Variants in AACS observed in about 807,000 individuals in gnomAD.
The protein encoded by AACS is acetoacetate-CoA ligase.
Under a neutral mutation model 83.1 loss-of-function variants are expected in AACS, and 69 were observed. The observed-to-expected ratio is 0.83, with a 90% confidence interval of 0.68 to 1.01. The LOEUF is 1.01. Among genes scored for constraint, AACS ranks in the 50% least tolerant of loss-of-function variants. AACS has a pLI of 0.00. For missense variants in AACS, 866 were observed against 882.2 expected, an observed-to-expected ratio of 0.98 and a Z score of 0.23; for synonymous variants, 333 against 343.4, an observed-to-expected ratio of 0.97 and a Z score of 0.33.
chr12:125,072,989 G>A (rs1475922749), intron 1 of AACS, among the ~76,000 whole-genome samples: 1 of 146,500 alleles, frequency 6.8e-6, no homozygotes, highest in Non-Finnish European at 1.5e-5. Context: ...GTGCAGTGGC[G>A]CGATCTCGGC....
chr12:125,073,819 A>G lies in AACS; in HGVS notation c.134-57A>G. 3 of 1,427,942 alleles carry G rather than the reference A, an allele frequency of 2.1e-6. No homozygotes were observed. In the South Asian group the frequency reaches 3.5e-5, roughly 17 times the overall value. The allele number at this position is 1,427,942 out of a possible 1,614,324, so 88.5% of individuals were successfully genotyped here. A position where few individuals can be genotyped will look rare whatever the true frequency, so the allele number is the denominator to read the frequency against. ...AAGGCTTCTGAGGTGTGTCCATCTT[A>G]TTAATGGATTGCCAAGATTTCCCTT... On this transcript the variant is annotated intron_variant, in intron 1 of 17. Coordinates refer to ENST00000316519, the MANE Select transcript of AACS (RefSeq NM_023928.5).
chr12:125,104,328 C>T lies in AACS; in HGVS notation c.767+1247C>T, dbSNP rs554695012. On this transcript the variant is annotated intron_variant, in intron 7 of 17. Coordinates refer to ENST00000316519, the MANE Select transcript of AACS (RefSeq NM_023928.5). ...AGAGGTGGAAGAGAGGAGGAGATGG[C>T]GGAGCCCTTTTTGTTCCAGCAAGTG... 5.3e-5 allele frequency among the ~76,000 whole-genome samples: 8 copies of T among 152,298 alleles called. 1 individual carries two copies. The highest frequency in any genetic ancestry group is 1.9e-4 in the East Asian group (1 of 5,178).
intron 1 of AACS, among the ~76,000 whole-genome samples, chr12:125,066,286 C>A (rs541437220): frequency 9.2e-5 from 14 of 151,862 alleles, no homozygotes; most frequent in African/African-American, 3.1e-4. Context: ...ACTCTCTTTC[C>A]ACCCATCACC....
At chr12:125,116,891 C>T (rs934297696) in intron 9 of AACS, among the ~76,000 whole-genome samples, 1 of 150,758 alleles carries the variant, frequency 6.6e-6, no homozygotes, top group Non-Finnish European at 1.5e-5. Context: ...CTTCCCCTCC[C>T]TACCTCTCCC....
chr12:125,094,217 G>A lies in AACS; in HGVS notation c.570+2694G>A, dbSNP rs1956555156. Among the ~76,000 whole-genome samples the A allele has an allele frequency of 6.6e-6, 1 of 152,118 alleles. No individual in the cohort carries two copies. The highest frequency in any genetic ancestry group is 2.1e-4 in the South Asian group (1 of 4,828). On this transcript the variant is annotated intron_variant, in intron 5 of 17. Coordinates refer to ENST00000316519, the MANE Select transcript of AACS (RefSeq NM_023928.5). The surrounding 1 kb of genome is among the most constrained non-coding windows in gnomAD (Gnocchi z 4.1). ...GATCTCTACTTAAAAAAGAGATCCTGTTTTTAATTTCCATCATCACCATGT... is the reference window on the plus strand; with the variant it reads ...GATCTCTACTTAAAAAAGAGATCCTATTTTTAATTTCCATCATCACCATGT...
At chr12:125,107,573 C>T (rs1956862037) in intron 8 of AACS, among the ~76,000 whole-genome samples, 1 of 152,220 alleles carries the variant, frequency 6.6e-6, no homozygotes, top group Admixed American at 6.5e-5. Flanking sequence ...TACTTTCACC[C>T]TGCAGGTCTG....
At chr12:125,070,263 A>G (rs189658883) in intron 1 of AACS, among the ~76,000 whole-genome samples, 139 of 152,260 alleles carry the variant, frequency 9.1e-4, no homozygotes, top group African/African-American at 3.0e-3. Flanking sequence ...TGTCTGGCTC[A>G]CTGCTTCCAG....
intron 14 of AACS, 106 bp from the exon 15 acceptor site, chr12:125,133,897 C>T (rs1957362326): frequency 8.7e-7 from 1 of 1,146,758 alleles, no homozygotes; most frequent in African/African-American, 1.5e-5. Context: ...CCAGACCTGC[C>T]TCTGGGCCCC....
intron 3 of AACS, among the ~76,000 whole-genome samples, chr12:125,083,626 T>A (rs929313834): frequency 2.1e-4 from 32 of 152,122 alleles, no homozygotes; most frequent in Non-Finnish European, 1.5e-5. Context: ...AAAATTATAC[T>A]ACTGAGCAAT....
chr12:125,087,207 C>T (rs1419120306), intron 4 of AACS, among the ~76,000 whole-genome samples: 1 of 152,154 alleles, frequency 6.6e-6, no homozygotes, highest in Non-Finnish European at 1.5e-5. Context: ...TAAGAGCAGG[C>T]CCCATTTGGG....
At chr12:125,133,161 G>A (rs2136136904) in intron 14 of AACS, among the ~76,000 whole-genome samples, 2 of 152,346 alleles carry the variant, frequency 1.3e-5, no homozygotes, top group Non-Finnish European at 2.9e-5. Flanking sequence ...GGCTGATCAA[G>A]GGCTGGTGGT....
At chr12:125,080,206 C>T (rs1281672205) in intron 3 of AACS, among the ~76,000 whole-genome samples, 3 of 152,130 alleles carry the variant, frequency 2.0e-5, no homozygotes, top group Non-Finnish European at 4.4e-5. Flanking sequence ...AGAACGAGAA[C>T]GCTGCGTCTC....
chr12:125,092,131 C>A (rs749588728), intron 5 of AACS, among the ~76,000 whole-genome samples: 2 of 152,162 alleles, frequency 1.3e-5, no homozygotes, highest in Non-Finnish European at 2.9e-5. Context: ...AATGAAGCAG[C>A]CGCAGAGCGG....
intron 12 of AACS, chr12:125,126,842 C>T (rs899032520): frequency 6.6e-6 from 1 of 152,062 alleles, no homozygotes; most frequent in African/African-American, 2.4e-5. Context: ...CTTGGCCTCC[C>T]AAAATGATGG....
chr12:125,110,848 T>A (rs187895499), intron 8 of AACS, among the ~76,000 whole-genome samples: 1 of 152,192 alleles, frequency 6.6e-6, no homozygotes, highest in African/African-American at 2.4e-5. Context: ...AATATTTACA[T>A]TGGAATCATT....
intron 7 of AACS, among the ~76,000 whole-genome samples, chr12:125,103,419 A>G (rs748333169): frequency 2.0e-4 from 30 of 151,624 alleles, no homozygotes; most frequent in African/African-American, 7.3e-4. Context: ...ATGTATGTGC[A>G]CATGGTGCAT....
chr12:125,109,647 G>A (rs1956909139), intron 8 of AACS, among the ~76,000 whole-genome samples: 1 of 152,196 alleles, frequency 6.6e-6, no homozygotes, highest in African/African-American at 2.4e-5. Context: ...CGTTGGTGCA[G>A]TGCCGCCCCC....
intron 3 of AACS, 122 bp downstream of exon 3, chr12:125,076,733 A>G (rs1452603841): frequency 6.9e-7 from 1 of 1,450,308 alleles, no homozygotes; most frequent in Admixed American, 2.1e-5. Flanking sequence ...TTTCTGATGT[A>G]ATTAAGATTT....
chr12:125,084,606 TCTCA>T (rs1956287255), intron 3 of AACS, among the ~76,000 whole-genome samples: 1 of 149,416 alleles, frequency 6.7e-6, no homozygotes, highest in Non-Finnish European at 1.5e-5. Flanking sequence ...CAAGACAGAG[TCTCA>T]CTCTGTCACC....
Sources: allele counts gnomAD v4.1 joint callset (sites outside exome capture counted in the v4.1 genomes callset), GRCh38; gene constraint gnomAD v4.1.1; non-coding constraint Gnocchi (gnomAD v3.1); transcripts MANE v1.5; gene names NCBI Gene and HGNC (gene_info 2026-07-23, HGNC 2026-07-21).